SEPTIN9: variants seen among roughly 807,000 people sequenced by gnomAD.
The protein encoded by SEPTIN9 is septin-9.
Under a neutral mutation model 56.6 loss-of-function variants are expected in SEPTIN9, and 13 were observed. The observed-to-expected ratio is 0.23, with a 90% CI of 0.15 to 0.37. SEPTIN9 has a LOEUF of 0.37. Among genes scored for constraint, SEPTIN9 ranks in the 10% least tolerant of loss-of-function variants. The pLI, the probability that SEPTIN9 is intolerant of heterozygous loss-of-function variation, is 1.00. For synonymous variants in SEPTIN9, 332 were observed against 334.1 expected (o/e 0.99, Z 0.07); for missense variants, 650 against 823.1 (o/e 0.79, Z 2.57).
chr17:77,401,975 C>T, intron 2 of SEPTIN9, 84 bp from the exon 3 acceptor site: 1 of 1,450,424 alleles, frequency 6.9e-7, no homozygotes, highest in Non-Finnish European at 9.4e-7. Flanking sequence ...GCCTGCCTTC[C>T]TCTGCTGCTC....
chr17:77,345,282 C>T (rs1394945347), intron 2 of SEPTIN9, among the ~76,000 whole-genome samples: 1 of 152,150 alleles, frequency 6.6e-6, no homozygotes, highest in East Asian at 1.9e-4. Flanking sequence ...CACCAAACTG[C>T]ACACCTGAAA....
At chr17:77,339,540 C>T (rs1373585726) in intron 2 of SEPTIN9, among the ~76,000 whole-genome samples, 1 of 149,742 alleles carries the variant, frequency 6.7e-6, no homozygotes, top group Non-Finnish European at 1.5e-5. Flanking sequence ...GATGGAGTCT[C>T]GCTGTGTCAC....
chr17:77,401,463 AG>A (rs1180184040), intron 2 of SEPTIN9, among the ~76,000 whole-genome samples: 10 of 152,056 alleles, frequency 6.6e-5, no homozygotes, highest in Non-Finnish European at 1.2e-4. Context: ...AAGGAAATCA[AG>A]GCCGGGCACG....
At position 77,367,515 on chromosome 17, in the gene SEPTIN9, T is replaced by TAA. The variant is rs200699364; in HGVS notation, c.77-34544_77-34543insAA. Among the ~76,000 whole-genome samples, 776 of 152,260 alleles carry TAA rather than the reference T, an allele frequency of 5.1e-3. 3 individuals carry two copies. Among genetic ancestry groups the TAA allele is most frequent in the Middle Eastern group, 0.01 (3 of 294 alleles). On this transcript the variant is annotated intron_variant, in intron 2 of 11. Coordinates refer to ENST00000427177, the MANE Select transcript of SEPTIN9 (RefSeq NM_001113491.2). The surrounding 1 kb of genome is among the most constrained non-coding windows in gnomAD (Gnocchi z 4.5). ...TGGGACAATGGGAGAGTTGCTGTGA[T>TAA]GTTTAAGACTAAAGTGATGGCTGGG... is the stretch of plus-strand genomic sequence containing the variant.
At chr17:77,349,426 TCTTGAA>T (rs1448047599) in intron 2 of SEPTIN9, among the ~76,000 whole-genome samples, 5 of 152,204 alleles carry the variant, frequency 3.3e-5, no homozygotes, top group Non-Finnish European at 1.5e-5. Context: ...CTGCTGTCAT[TCTTGAA>T]CCATAATTTC....
intron 3 of SEPTIN9, among the ~76,000 whole-genome samples, chr17:77,408,450 C>A (rs994368601): frequency 3.9e-5 from 6 of 152,072 alleles, no homozygotes. Context: ...GGTCAGGCCC[C>A]CCCGAGCTGA....
chr17:77,292,988 G>GTATTTATT (rs1567977398), intron 1 of SEPTIN9, among the ~76,000 whole-genome samples: 43 of 147,832 alleles, frequency 2.9e-4, no homozygotes, highest in East Asian at 1.2e-3. Flanking sequence ...AACCGCTTGA[G>GTATTTATT]CATTTATTTA....
intron 3 of SEPTIN9, among the ~76,000 whole-genome samples, chr17:77,443,835 T>C (rs9901959): frequency 0.03 from 4,575 of 151,760 alleles, 215 homozygotes; most frequent in African/African-American, 0.1. Flanking sequence ...TAAAAAGGCA[T>C]GTTGAAGGTA....
intron 2 of SEPTIN9, among the ~76,000 whole-genome samples, chr17:77,386,178 G>A (rs2035331424): frequency 6.6e-6 from 1 of 152,182 alleles, no homozygotes; most frequent in East Asian, 1.9e-4. Context: ...GCGATTTAAT[G>A]AAGAGAAGAA....
At chr17:77,364,300 G>A (rs2034507811) in intron 2 of SEPTIN9, among the ~76,000 whole-genome samples, 2 of 152,252 alleles carry the variant, frequency 1.3e-5, no homozygotes, top group South Asian at 4.1e-4. Flanking sequence ...TGGGGGCACT[G>A]CAGGGCACGG....
chr17:77,492,970 C>T lies in SEPTIN9; in HGVS notation c.1477-10C>T, dbSNP rs556203857. ...ACATGTGTAACCAATACCGTCTGCC[C>T]GTTCCCCAGGAGATGATCCCATTTG... On this transcript the variant is annotated splice_polypyrimidine_tract_variant and intron_variant, in intron 9 of 11. Transcript: ENST00000427177. This position sits in a 1 kb window ranked among gnomAD's most constrained non-coding sequence, Gnocchi z 5.4. 9 of 1,559,680 alleles carry T rather than the reference C, an allele frequency of 5.8e-6. No individual in the cohort carries two copies. The highest frequency in any genetic ancestry group is 2.7e-5 in the African/African-American group (2 of 73,328).
intron 1 of SEPTIN9, among the ~76,000 whole-genome samples, chr17:77,305,403 C>T (rs957781270): frequency 6.6e-6 from 1 of 152,108 alleles, no homozygotes; most frequent in African/African-American, 2.4e-5. Context: ...AGCCTGCCGT[C>T]AGACCCTCGC....
chr17:77,413,759 G>T (rs1204631092), intron 3 of SEPTIN9, among the ~76,000 whole-genome samples: 6 of 151,974 alleles, frequency 3.9e-5, no homozygotes, highest in Non-Finnish European at 8.8e-5. Flanking sequence ...GTTTGGAGTT[G>T]CCCAGAGAGC....
chr17:77,339,780 G>A (rs560372301), intron 2 of SEPTIN9, among the ~76,000 whole-genome samples: 2 of 151,670 alleles, frequency 1.3e-5, no homozygotes, highest in East Asian at 3.9e-4. Flanking sequence ...AAAGCATTGG[G>A]ACTACAGGCA....
At chr17:77,448,876 C>T (rs1367545565) in intron 3 of SEPTIN9, among the ~76,000 whole-genome samples, 1 of 151,938 alleles carries the variant, frequency 6.6e-6, no homozygotes, top group African/African-American at 2.4e-5. Flanking sequence ...CTTTGCCTCC[C>T]AGGTTTGAGC....
At chr17:77,490,964 C>T (rs1391528792) in intron 8 of SEPTIN9, 105 bp downstream of exon 8, 6 of 906,718 alleles carry the variant, frequency 6.6e-6, no homozygotes, top group East Asian at 2.7e-5. Flanking sequence ...TCAGGGAGAC[C>T]GAACCGCTGG....
intron 3 of SEPTIN9, among the ~76,000 whole-genome samples, chr17:77,458,076 G>A (rs529630229): frequency 7.9e-5 from 12 of 152,052 alleles, no homozygotes; most frequent in African/African-American, 2.9e-4. Flanking sequence ...ACAGTCCCCA[G>A]CGAGCCCTTC....
At chr17:77,379,417 C>G (rs1427585890) in intron 2 of SEPTIN9, among the ~76,000 whole-genome samples, 1 of 152,024 alleles carries the variant, frequency 6.6e-6, no homozygotes, top group African/African-American at 2.4e-5. Flanking sequence ...TGGGCATCAC[C>G]CAGGGTAATA....
chr17:77,395,028 C>T (rs867109632), intron 2 of SEPTIN9, among the ~76,000 whole-genome samples: 109 of 151,688 alleles, frequency 7.2e-4, no homozygotes, highest in African/African-American at 2.5e-3. Flanking sequence ...ATGCAGTTAC[C>T]CACACCCTCC....
Sources: allele counts gnomAD v4.1 joint callset (sites outside exome capture counted in the v4.1 genomes callset), GRCh38; gene constraint gnomAD v4.1.1; non-coding constraint Gnocchi (gnomAD v3.1); transcripts MANE v1.5; gene names NCBI Gene and HGNC (gene_info 2026-07-23, HGNC 2026-07-21).